The following EXOSC6 variants were observed in gnomAD, a reference collection of about 807,000 sequenced individuals.
EXOSC6 encodes the protein exosome complex component MTR3.
In EXOSC6, 21 loss-of-function variants were observed where a neutral mutation model predicts 16.7. The observed-to-expected ratio is 1.26, with a 90% CI of 0.89 to 1.82. EXOSC6 has a LOEUF of 1.82. Ranked by LOEUF, EXOSC6 falls within the 40% of genes most tolerant of loss-of-function variation. EXOSC6 has a pLI of 0.00. For missense variants in EXOSC6, 538 were observed against 415.7 expected, an observed-to-expected ratio of 1.29 and a Z score of -2.56; for synonymous variants, 297 against 217.1, an observed-to-expected ratio of 1.37 and a Z score of -3.24.
chr16:70,251,749 C>G lies in EXOSC6; in HGVS notation c.152G>C (p.Gly51Ala). 1.4e-6 allele frequency: 2 copies of G among 1,422,676 alleles called. No homozygotes were observed. The highest frequency in any genetic ancestry group is 1.8e-6 in the Non-Finnish European group (2 of 1,099,794). The allele number at this position is 1,422,676 out of a possible 1,614,324, so 88.1% of individuals were successfully genotyped here. The change falls in exon 1 of 1, where the codon GGC (glycine) becomes GCC (alanine). Residue 51 changes from glycine to alanine, a missense_variant. By Grantham distance (60) the Gly-to-Ala change is moderately conservative. Transcript: ENST00000435634. Reference protein sequence around the residue: ...ARAGLLSQAKGSAYLEAGGTK... With the variant: ...ARAGLLSQAKASAYLEAGGTK... ...GCCTCCCGCCTCCAGGTAGGCCGAG[C>G]CCTTGGCCTGGCTCAGCAGCCCGGC...
At position 70,248,194 on chromosome 16, in the gene EXOSC6, T is replaced by A. The variant is rs1391160472; in HGVS notation, c.*2888A>T. 2 of 152,212 alleles carry A rather than the reference T, an allele frequency of 1.3e-5. No homozygotes were observed. 9.4% of individuals were successfully genotyped at this position (152,212 alleles called of 1,614,324 possible). A position where few individuals can be genotyped will look rare whatever the true frequency, so the allele number is the denominator to read the frequency against. ...GAAATTTGAATATAGAACACATATG[T>A]AATAAAATTCATTTTCTTAGGTATG... is the stretch of plus-strand genomic sequence containing the variant. On this transcript the variant is annotated 3_prime_UTR_variant, in exon 1 of 1. Coordinates refer to ENST00000435634, the MANE Select transcript of EXOSC6 (RefSeq NM_058219.3).
In EXOSC6 at chr16:70,251,477, C is replaced by T. The variant is rs1192905973; in HGVS notation, c.424G>A (p.Ala142Thr). 3.0e-6 allele frequency: 4 copies of T among 1,324,344 alleles called. No individual in the cohort carries two copies. In the African/African-American group the frequency reaches 4.6e-5, roughly 15 times the overall value. 82.0% of individuals were successfully genotyped at this position (1,324,344 alleles called of 1,614,324 possible). ...PAVRLGRYPR[A>T]QLEVSALLLE... ...AGCAGCGCCGACACCTCGAGCTGCG[C>T]GCGCGGGTAGCGGCCCAGGCGCACA... is the stretch of plus-strand genomic sequence containing the variant. Residue 142 changes from alanine to threonine, a missense_variant, in exon 1 of 1, where the codon GCG (alanine) becomes ACG (threonine). Transcript: ENST00000435634.
chr16:70,251,655 G>A lies in EXOSC6; in HGVS notation c.246C>T (p.Ala82=), dbSNP rs1405354403. The A allele has an allele frequency of 1.8e-5, 21 of 1,198,158 alleles. No homozygotes were observed. Among genetic ancestry groups the A allele is most frequent in the Non-Finnish European group, 2.2e-5 (21 of 968,638 alleles). The allele number at this position is 1,198,158 out of a possible 1,614,324, so 74.2% of individuals were successfully genotyped here. A position where few individuals can be genotyped will look rare whatever the true frequency, so the allele number is the denominator to read the frequency against. The change falls in exon 1 of 1, where the codon GCC becomes GCT. Residue 82 remains alanine, a synonymous_variant. Coordinates refer to ENST00000435634, the MANE Select transcript of EXOSC6 (RefSeq NM_058219.3). Reference sequence around the variant, plus strand: ...CGGCCGGGGCCTCGCCGCCTGCTCCGGCCGGGCCGCCGCCGCGCTCGCCGC... The same window carrying A: ...CGGCCGGGGCCTCGCCGCCTGCTCCAGCCGGGCCGCCGCCGCGCTCGCCGC... The part of the protein sequence containing the change: ...AEGGERGGGP[A]GAGGEAPAAL...
At position 70,251,271 on chromosome 16, in the gene EXOSC6, G is replaced by C; in HGVS notation, c.630C>G (p.Gly210=). Reference sequence around the variant, plus strand: ...GCACAGGCATGAGCGCCACGGTGAGGCCGGCGGCGGCGCGCTCTTCCTCGA... The same window carrying C: ...GCACAGGCATGAGCGCCACGGTGAGCCCGGCGGCGGCGCGCTCTTCCTCGA... The part of the protein sequence containing the change: ...TRLEEERAAA[G]LTVALMPVLN... The change falls in exon 1 of 1, where the codon GGC becomes GGG. Residue 210 remains glycine, a synonymous_variant. Transcript: ENST00000435634. 6.9e-7 allele frequency: 1 copy of C among 1,446,880 alleles called. No homozygotes were observed. Among genetic ancestry groups the C allele is most frequent in the Non-Finnish European group, 9.0e-7 (1 of 1,105,450 alleles). 89.6% of individuals were successfully genotyped at this position (1,446,880 alleles called of 1,614,324 possible).
In EXOSC6 at chr16:70,247,013, A is replaced by G; in HGVS notation, c.*4069T>C. ...CCCTAAAATTAGTGTGGAGAAAACA[A>G]GCAAATTAGGTTATTTACTAAGTGA... On this transcript the variant is annotated 3_prime_UTR_variant, in exon 1 of 1. Coordinates refer to ENST00000435634, the MANE Select transcript of EXOSC6 (RefSeq NM_058219.3). The G allele has an allele frequency of 2.1e-6, 1 of 485,050 alleles. No individual in the cohort carries two copies. Among genetic ancestry groups the G allele is most frequent in the Non-Finnish European group, 4.0e-6 (1 of 250,952 alleles). The allele number at this position is 485,050 out of a possible 1,614,324, so 30.0% of individuals were successfully genotyped here.
In EXOSC6 at chr16:70,251,885, G is replaced by T. The variant is rs765581279; in HGVS notation, c.16C>A (p.Arg6Ser). The change falls in exon 1 of 1, where the codon CGC becomes AGC. Residue 6 changes from arginine to serine, a missense_variant. Arg to Ser is a moderately radical substitution (Grantham distance 110). Coordinates refer to ENST00000435634, the MANE Select transcript of EXOSC6 (RefSeq NM_058219.3). ...GATTCTTCAGGGCCGCGGATGCGGC[G>T]GTGATCCCCAGGCATGGCGGTTCTT... MPGDH[R>S]RIRGPEESQP... 2 of 1,544,388 alleles carry T rather than the reference G, an allele frequency of 1.3e-6. No individual in the cohort carries two copies. The highest frequency in any genetic ancestry group is 3.7e-5 in the Admixed American group (2 of 53,436).
rs543954936 is a variant in EXOSC6 at position 70,251,877 on chromosome 16, G to A, written c.24C>T (p.Ile8=). The A allele has an allele frequency of 8.3e-5, 129 of 1,547,710 alleles. No individual in the cohort carries two copies. Among genetic ancestry groups the A allele is most frequent in the South Asian group, 2.3e-4 (20 of 86,422 alleles). ...GCGGCTGCGATTCTTCAGGGCCGCG[G>A]ATGCGGCGGTGATCCCCAGGCATGG... The part of the protein sequence containing the change: MPGDHRR[I]RGPEESQPPQ... Residue 8 remains isoleucine, a synonymous_variant, in exon 1 of 1, where the codon ATC becomes ATT. Transcript: ENST00000435634.
In EXOSC6 at chr16:70,248,595, A is replaced by G. The variant is rs976480546; in HGVS notation, c.*2487T>C. 7 of 151,918 alleles carry G rather than the reference A, an allele frequency of 4.6e-5. No homozygotes were observed. The highest frequency in any genetic ancestry group is 5.9e-5 in the Non-Finnish European group (4 of 67,992). 9.4% of individuals were successfully genotyped at this position (151,918 alleles called of 1,614,324 possible). A position where few individuals can be genotyped will look rare whatever the true frequency, so the allele number is the denominator to read the frequency against. The stretch of plus-strand genomic sequence containing the variant: ...TTCTCAAACCTCTATAATCAAGGGG[A>G]AAAATGTTTTGTTTTGCTTTGCTTT... On this transcript the variant is annotated 3_prime_UTR_variant, in exon 1 of 1. Transcript: ENST00000435634.
chr16:70,247,683 TA>T lies in EXOSC6; in HGVS notation c.*3398del, dbSNP rs1399511089. ...GAAAGAATATTTATTTTGCAGCTGT[TA>T]AAAGACATTTTTCCCTAAAAAAAGA... On this transcript the variant is annotated 3_prime_UTR_variant, in exon 1 of 1. Coordinates refer to ENST00000435634, the MANE Select transcript of EXOSC6 (RefSeq NM_058219.3). 1 of 152,172 alleles carries T rather than the reference TA, an allele frequency of 6.6e-6. No individual in the cohort carries two copies. Among genetic ancestry groups the T allele is most frequent in the Non-Finnish European group, 1.5e-5 (1 of 68,030 alleles). 9.4% of individuals were successfully genotyped at this position (152,172 alleles called of 1,614,324 possible).
In EXOSC6 at chr16:70,251,538, C is replaced by T. The variant is rs1343756403; in HGVS notation, c.363G>A (p.Glu121=). The change falls in exon 1 of 1, where the codon GAG becomes GAA. Residue 121 remains glutamate (E), a synonymous_variant. Coordinates refer to ENST00000435634, the MANE Select transcript of EXOSC6 (RefSeq NM_058219.3). The part of the protein sequence containing the change: ...RAPPGGCEER[E]LALALQEALE... The stretch of plus-strand genomic sequence containing the variant: ...GCGCCTCCTGCAGCGCCAGCGCCAG[C>T]TCACGCTCCTCGCAGCCGCCCGGGG... 7 of 1,220,958 alleles carry T rather than the reference C, an allele frequency of 5.7e-6. No homozygotes were observed. Among genetic ancestry groups the T allele is most frequent in the Non-Finnish European group, 7.2e-6 (7 of 978,204 alleles). The allele number at this position is 1,220,958 out of a possible 1,614,324, so 75.6% of individuals were successfully genotyped here.
At position 70,251,383 on chromosome 16, in the gene EXOSC6, C is replaced by A. The variant is rs1959815109; in HGVS notation, c.518G>T (p.Gly173Val). Residue 173 changes from glycine to valine, a missense_variant, in exon 1 of 1, where the codon GGC (glycine) becomes GTC (valine). Physicochemically the swap from Gly to Val is moderately radical, Grantham distance 109. Coordinates refer to ENST00000435634, the MANE Select transcript of EXOSC6 (RefSeq NM_058219.3). ...CACCACCAGGTCGTACATCTCCACG[C>A]CCGCGTCGGCCAGGGCGAGCGCGGC... ...TAAALALADAGVEMYDLVVGC... is the reference protein window; with the variant it reads ...TAAALALADAVVEMYDLVVGC... 1.5e-6 allele frequency: 2 copies of A among 1,358,928 alleles called. No homozygotes were observed. 84.2% of individuals were successfully genotyped at this position (1,358,928 alleles called of 1,614,324 possible).
In EXOSC6 at chr16:70,250,818, TA is replaced by T. The variant is rs1327950849; in HGVS notation, c.*263del. 3.8e-4 allele frequency: 150 copies of T among 389,902 alleles called. No homozygotes were observed. Among genetic ancestry groups the T allele is most frequent in the East Asian group, 8.1e-4 (21 of 26,024 alleles). The allele number at this position is 389,902 out of a possible 1,614,324, so 24.2% of individuals were successfully genotyped here. The stretch of plus-strand genomic sequence containing the variant: ...AGACTGCAGAAAGAAACCCTGTCTC[TA>T]AAAAAAAGGTCCAGGTAATTTCAGG... On this transcript the variant is annotated 3_prime_UTR_variant, in exon 1 of 1. Coordinates refer to ENST00000435634, the MANE Select transcript of EXOSC6 (RefSeq NM_058219.3).
In EXOSC6 at chr16:70,249,901, A is replaced by C. The variant is rs1422363390; in HGVS notation, c.*1181T>G. 1 of 152,330 alleles carries C rather than the reference A, an allele frequency of 6.6e-6. No homozygotes were observed. Among genetic ancestry groups the C allele is most frequent in the Non-Finnish European group, 1.5e-5 (1 of 68,140 alleles). 9.4% of individuals were successfully genotyped at this position (152,330 alleles called of 1,614,324 possible). ...CTGAGGCGGAGGTTGCAGTGAGCTG[A>C]GATCGCGCCATTGCACTCCAGCCTG... On this transcript the variant is annotated 3_prime_UTR_variant, in exon 1 of 1. Coordinates refer to ENST00000435634, the MANE Select transcript of EXOSC6 (RefSeq NM_058219.3).
Position 70,249,547 on chromosome 16 carries a change from G to A in EXOSC6, c.*1535C>T, listed in dbSNP as rs575463624. On this transcript the variant is annotated 3_prime_UTR_variant, in exon 1 of 1. Coordinates refer to ENST00000435634, the MANE Select transcript of EXOSC6 (RefSeq NM_058219.3). The stretch of plus-strand genomic sequence containing the variant: ...AGCAAACCAAAAGGCTCAGAAAGAC[G>A]TCGTGATATTTAGTTCTTGTCTCCC... 2.0e-5 allele frequency: 3 copies of A among 152,130 alleles called. No individual in the cohort carries two copies. The highest frequency in any genetic ancestry group is 4.8e-5 in the African/African-American group (2 of 41,430). 9.4% of individuals were successfully genotyped at this position (152,130 alleles called of 1,614,324 possible).
At position 70,251,810 on chromosome 16, in the gene EXOSC6, G is replaced by A. The variant is rs1243114353; in HGVS notation, c.91C>T (p.Arg31Cys). The A allele has an allele frequency of 2.0e-6, 3 of 1,521,888 alleles. No individual in the cohort carries two copies. Among genetic ancestry groups the A allele is most frequent in the East Asian group, 2.7e-5 (1 of 37,250 alleles). 94.3% of individuals were successfully genotyped at this position (1,521,888 alleles called of 1,614,324 possible). A position where few individuals can be genotyped will look rare whatever the true frequency, so the allele number is the denominator to read the frequency against. ...AADEEEAPGT[R>C]DPTRLRPVYA... is the part of the protein sequence containing the mutation. ...ACGGGCCGTAGCCGCGTTGGGTCGC[G>A]GGTGCCGGGCGCCTCCTCCTCGTCG... The change falls in exon 1 of 1, where the codon CGC (arginine) becomes TGC (cysteine). Residue 31 changes from arginine (R) to cysteine (C), a missense_variant. Physicochemically the swap from Arg to Cys is radical, Grantham distance 180. Coordinates refer to ENST00000435634, the MANE Select transcript of EXOSC6 (RefSeq NM_058219.3).
rs1959804508 is a variant in EXOSC6 at position 70,251,100 on chromosome 16, G to A, written c.801C>T (p.Gly267=). ...TTCTGGTTCAGGGCTGGGCGGCGGC[G>A]CCCCTGCGGCGGGCGGCCCGCACCA... ...QSLVRAARRR[G]AAAQP is the part of the protein sequence containing the mutation. The change falls in exon 1 of 1, where the codon GGC becomes GGT. Residue 267 remains glycine (G), a synonymous_variant. Transcript: ENST00000435634. The A allele has an allele frequency of 6.7e-7, 1 of 1,486,034 alleles. No homozygotes were observed. The highest frequency in any genetic ancestry group is 8.8e-7 in the Non-Finnish European group (1 of 1,131,670). The allele number at this position is 1,486,034 out of a possible 1,614,324, so 92.1% of individuals were successfully genotyped here.
Position 70,251,852 on chromosome 16 carries a change from G to A in EXOSC6, c.49C>T (p.Pro17Ser), listed in dbSNP as rs755322940. The A allele has an allele frequency of 1.3e-6, 2 of 1,555,634 alleles. No homozygotes were observed. The highest frequency in any genetic ancestry group is 8.6e-7 in the Non-Finnish European group (1 of 1,161,128). ...RIRGPEESQP[P>S]QLYAADEEEA... Reference sequence around the variant, plus strand: ...TCCTCGTCGGCCGCGTACAGCTGCGGCGGCTGCGATTCTTCAGGGCCGCGG... The same window carrying A: ...TCCTCGTCGGCCGCGTACAGCTGCGACGGCTGCGATTCTTCAGGGCCGCGG... Residue 17 changes from proline to serine, a missense_variant, in exon 1 of 1, where the codon CCG becomes TCG. By Grantham distance (74) the Pro-to-Ser change is moderately conservative. Coordinates refer to ENST00000435634, the MANE Select transcript of EXOSC6 (RefSeq NM_058219.3).
chr16:70,248,407 T>C lies in EXOSC6; in HGVS notation c.*2675A>G, dbSNP rs1422113734. On this transcript the variant is annotated 3_prime_UTR_variant, in exon 1 of 1. Transcript: ENST00000435634. ...GAAGCATATTATTATGAAATTATTA[T>C]CGTATTTACAGGTATTTATTTTACT... 2.0e-5 allele frequency: 3 copies of C among 152,162 alleles called. No homozygotes were observed. Among genetic ancestry groups the C allele is most frequent in the Non-Finnish European group, 2.9e-5 (2 of 68,042 alleles). The allele number at this position is 152,162 out of a possible 1,614,324, so 9.4% of individuals were successfully genotyped here. A position where few individuals can be genotyped will look rare whatever the true frequency, so the allele number is the denominator to read the frequency against.
chr16:70,249,045 A>G lies in EXOSC6; in HGVS notation c.*2037T>C, dbSNP rs1959750871. The G allele has an allele frequency of 6.7e-6, 1 of 148,200 alleles. No individual in the cohort carries two copies. Among genetic ancestry groups the G allele is most frequent in the Admixed American group, 6.7e-5 (1 of 14,936 alleles). 9.2% of individuals were successfully genotyped at this position (148,200 alleles called of 1,614,324 possible). A position where few individuals can be genotyped will look rare whatever the true frequency, so the allele number is the denominator to read the frequency against. ...AAAAAAAAAAAAACCCTAATATCAG[A>G]TATTCCAGACACAACAATACCATAA... On this transcript the variant is annotated 3_prime_UTR_variant, in exon 1 of 1. Coordinates refer to ENST00000435634, the MANE Select transcript of EXOSC6 (RefSeq NM_058219.3).
Sources: allele counts gnomAD v4.1 joint callset, GRCh38; gene constraint gnomAD v4.1.1; transcripts MANE v1.5; gene names NCBI Gene and HGNC (gene_info 2026-07-23, HGNC 2026-07-21).